Variants in ARHGEF10 observed in about 807,000 individuals in gnomAD.
The protein encoded by ARHGEF10 is Rho guanine nucleotide exchange factor 10, also known as Rho guanine nucleotide exchange factor (GEF) 10.
Under a neutral mutation model 147.4 loss-of-function variants are expected in ARHGEF10, and 140 were observed. That is an observed-to-expected ratio of 0.95 (90% CI 0.83 to 1.09). The LOEUF (loss-of-function observed/expected upper bound fraction) is 1.09. Among genes scored for constraint, ARHGEF10 ranks in the 50% least tolerant of loss-of-function variants. ARHGEF10 has a pLI of 0.00. For missense variants in ARHGEF10, 2,222 were observed against 1,752.7 expected, an observed-to-expected ratio of 1.27 and a Z score of -4.78; for synonymous variants, 902 against 695.8, an observed-to-expected ratio of 1.30 and a Z score of -4.67.
intron 26 of ARHGEF10, among the ~76,000 whole-genome samples, chr8:1,934,310 C>T (rs914216467): frequency 4.1e-5 from 6 of 146,682 alleles, no homozygotes; most frequent in Non-Finnish European, 5.9e-5. Context: ...GCCAAGATCT[C>T]GCCACTGCAC....
chr8:1,876,493 G>A, intron 7 of ARHGEF10, 78 bp from the exon 8 acceptor site: 3 of 1,451,400 alleles, frequency 2.1e-6, no homozygotes, highest in Non-Finnish European at 1.9e-6. Context: ...AGATGATTTG[G>A]TAAAACCACA....
intron 18 of ARHGEF10, among the ~76,000 whole-genome samples, 168 bp downstream of exon 18, chr8:1,909,638 T>A (rs918125032): frequency 6.6e-6 from 1 of 152,124 alleles, no homozygotes; most frequent in African/African-American, 2.4e-5. Context: ...CTGACTAACA[T>A]GGCCAAGTCG....
intron 8 of ARHGEF10, among the ~76,000 whole-genome samples, chr8:1,879,506 A>C (rs1807992862): frequency 6.6e-6 from 1 of 151,488 alleles, no homozygotes; most frequent in South Asian, 2.1e-4. Flanking sequence ...TGGTGTCTGG[A>C]TAGTGTCTGT....
In ARHGEF10 at chr8:1,956,026, G is replaced by A. The variant is rs118166117; in HGVS notation, c.3521-723G>A. 4.5e-3 allele frequency among the ~76,000 whole-genome samples: 685 copies of A among 152,362 alleles called. 4 individuals are homozygous for A. Among genetic ancestry groups the A allele is most frequent in the Non-Finnish European group, 7.0e-3 (475 of 68,038 alleles). ...CAGAGTAGGATGATGGTGAGGGCTG[G>A]GGCCTGTTTCATCTGAAAGCACTTG... On this transcript the variant is annotated intron_variant, in intron 28 of 28. Coordinates refer to ENST00000349830, the MANE Select transcript of ARHGEF10 (RefSeq NM_014629.4).
In ARHGEF10 at chr8:1,835,067, C is replaced by T. The variant is rs116341345; in HGVS notation, c.-47-8286C>T. 2.5e-3 allele frequency among the ~76,000 whole-genome samples: 382 copies of T among 152,342 alleles called. 2 individuals are homozygous for T. Among genetic ancestry groups the T allele is most frequent in the African/African-American group, 6.4e-3 (268 of 41,584 alleles). On this transcript the variant is annotated intron_variant, in intron 1 of 28. Transcript: ENST00000349830. ...GGGAGTGCTGGGCGCTGATGGCCCC[C>T]GGCCCGTGTCTGCCAAGGCACTGGG...
chr8:1,896,455 C>A lies in ARHGEF10; in HGVS notation c.1557+6C>A. The stretch of plus-strand genomic sequence containing the variant: ...CTTTTCTTGAATTTTTAAAGGTAAG[C>A]GCTTTTTTTTTTCATTTGGGTTTTA... On this transcript the variant is annotated splice_donor_region_variant and intron_variant, in intron 14 of 28. Transcript: ENST00000349830. 1 of 1,600,436 alleles carries A rather than the reference C, an allele frequency of 6.2e-7. No homozygotes were observed. Among genetic ancestry groups the A allele is most frequent in the Non-Finnish European group, 8.6e-7 (1 of 1,168,872 alleles).
At chr8:1,872,196 G>A (rs902984352) in intron 7 of ARHGEF10, among the ~76,000 whole-genome samples, 1 of 152,168 alleles carries the variant, frequency 6.6e-6, no homozygotes, top group Admixed American at 6.5e-5. Context: ...ATTAAAAATT[G>A]CCTTGAAGAA....
intron 4 of ARHGEF10, 63 bp downstream of exon 4, chr8:1,860,247 CG>C (rs1402343243): frequency 4.6e-6 from 7 of 1,509,790 alleles, no homozygotes; most frequent in Non-Finnish European, 6.3e-6. Context: ...TCCACGCCCC[CG>C]AAGTGGCCTG....
At chr8:1,826,101 T>C (rs1200324538) in intron 1 of ARHGEF10, 3 of 1,594,312 alleles carry the variant, frequency 1.9e-6, no homozygotes, top group Middle Eastern at 3.3e-4. Flanking sequence ...GCATAACTCT[T>C]TATAGACAGA....
At chr8:1,832,580 G>GCAGAGA (rs763463970) in intron 1 of ARHGEF10, among the ~76,000 whole-genome samples, 2 of 97,204 alleles carry the variant, frequency 2.1e-5, no homozygotes, top group African/African-American at 7.9e-5. Context: ...AGAGACAGAG[G>GCAGAGA]CAGAGACAGA....
chr8:1,927,020 C>A, intron 23 of ARHGEF10: 1 of 195,268 alleles, frequency 5.1e-6, no homozygotes, highest in Admixed American at 5.4e-5. Context: ...CTGTGCTTTT[C>A]CAAACTCTCA....
intron 17 of ARHGEF10, among the ~76,000 whole-genome samples, chr8:1,907,772 G>T (rs1216687036): frequency 6.6e-6 from 1 of 152,164 alleles, no homozygotes; most frequent in Non-Finnish European, 1.5e-5. Context: ...GTGGTGAGTC[G>T]CAATTCCTTT....
chr8:1,915,701 C>T (rs1444401784), intron 18 of ARHGEF10, among the ~76,000 whole-genome samples: 2 of 152,234 alleles, frequency 1.3e-5, no homozygotes, highest in Admixed American at 6.5e-5. Flanking sequence ...TGTGAATTTT[C>T]TGGGTATTCA....
intron 27 of ARHGEF10, among the ~76,000 whole-genome samples, chr8:1,951,642 A>T (rs971273582): frequency 6.6e-6 from 1 of 152,198 alleles, no homozygotes; most frequent in Non-Finnish European, 1.5e-5. Flanking sequence ...TTTTATATCT[A>T]CAGAAAAGAA....
chr8:1,827,617 A>G (rs536781859), intron 1 of ARHGEF10, among the ~76,000 whole-genome samples: 72 of 152,182 alleles, frequency 4.7e-4, no homozygotes, highest in Non-Finnish European at 9.1e-4. Context: ...CAAAATGATC[A>G]TTTTAAATCG....
intron 17 of ARHGEF10, among the ~76,000 whole-genome samples, chr8:1,907,272 C>G (rs1004850519): frequency 6.6e-6 from 1 of 152,192 alleles, no homozygotes; most frequent in Non-Finnish European, 1.5e-5. Context: ...CCCAGAACCC[C>G]CCTCTCCATG....
intron 8 of ARHGEF10, among the ~76,000 whole-genome samples, chr8:1,879,820 T>G (rs1239086889): frequency 6.6e-6 from 1 of 152,132 alleles, no homozygotes; most frequent in Admixed American, 6.5e-5. Context: ...CCTAAAGTGC[T>G]GGGATTACAG....
intron 20 of ARHGEF10, 45 bp from the exon 21 acceptor site, chr8:1,923,729 G>A: frequency 6.2e-7 from 1 of 1,613,500 alleles, no homozygotes; most frequent in Admixed American, 1.7e-5. Flanking sequence ...CTCACAGGAT[G>A]GAGCACGTTT....
Position 1,843,407 on chromosome 8 carries a change from A to C in ARHGEF10, c.8A>C (p.Gln3Pro), listed in dbSNP as rs371753114. 1.2e-6 allele frequency: 2 copies of C among 1,613,188 alleles called. No individual in the cohort carries two copies. The highest frequency in any genetic ancestry group is 2.7e-5 in the African/African-American group (2 of 74,938). Reference protein sequence around the residue: MDQREPLPPAPAE... With the variant: MDPREPLPPAPAE... ...GGCATCTGGAGCTGCAGCATGGACCAGCGAGAGCCCCTGCCTCCCGCTCCT... is the reference window on the plus strand; with the variant it reads ...GGCATCTGGAGCTGCAGCATGGACCCGCGAGAGCCCCTGCCTCCCGCTCCT... The change falls in exon 2 of 29, where the codon CAG becomes CCG. Residue 3 changes from glutamine to proline, a missense_variant. Gln to Pro is a moderately conservative substitution (Grantham distance 76, BLOSUM62 -1). Transcript: ENST00000349830.
Sources: allele counts gnomAD v4.1 joint callset (sites outside exome capture counted in the v4.1 genomes callset), GRCh38; gene constraint gnomAD v4.1.1; transcripts MANE v1.5; gene names NCBI Gene and HGNC (gene_info 2026-07-23, HGNC 2026-07-21).